The following OLA1 variants were observed in gnomAD, a reference collection of about 807,000 sequenced individuals.
OLA1 encodes obg-like ATPase 1.
A neutral mutation model predicts 48.4 loss-of-function variants in OLA1; 14 were observed. The observed-to-expected ratio is 0.29, with a 90% CI of 0.19 to 0.45. The LOEUF is 0.45. OLA1 is among the 20% of genes least tolerant of loss of function. The pLI, the probability that OLA1 is intolerant of heterozygous loss-of-function variation, is 1.00. For missense variants in OLA1, 325 were observed against 467.1 expected (o/e 0.70, Z 2.80); for synonymous variants, 127 against 150.4 (o/e 0.84, Z 1.14).
Position 174,075,251 on chromosome 2 carries a change from C to CA in OLA1, c.*174dup. The CA allele has an allele frequency of 2.3e-6, 1 of 433,278 alleles. No individual in the cohort carries two copies. The highest frequency in any genetic ancestry group is 4.0e-6 in the Non-Finnish European group (1 of 251,370). 26.8% of individuals were successfully genotyped at this position (433,278 alleles called of 1,614,324 possible). A position where few individuals can be genotyped will look rare whatever the true frequency, so the allele number is the denominator to read the frequency against. ...GTTCACATTTAGTGAACCTGCATTTCATGGGGGGGGGGGGGTACACAGTAT... is the reference window on the plus strand; with the variant it reads ...GTTCACATTTAGTGAACCTGCATTTCAATGGGGGGGGGGGGGTACACAGTAT... On this transcript the variant is annotated 3_prime_UTR_variant, in exon 11 of 11. Coordinates refer to ENST00000284719, the MANE Select transcript of OLA1 (RefSeq NM_013341.5).
At chr2:174,153,558 C>T (rs1686796273) in intron 4 of OLA1, among the ~76,000 whole-genome samples, 2 of 125,136 alleles carry the variant, frequency 1.6e-5, no homozygotes, top group African/African-American at 6.1e-5. Flanking sequence ...GTACAGAACA[C>T]CAGAAAATTC....
chr2:174,095,672 T>G (rs1685238644), intron 7 of OLA1, among the ~76,000 whole-genome samples: 1 of 152,164 alleles, frequency 6.6e-6, no homozygotes, highest in Non-Finnish European at 1.5e-5. Context: ...GGACCAAAGA[T>G]CTAAATGTAA....
At chr2:174,135,576 G>T (rs187775086) in intron 5 of OLA1, among the ~76,000 whole-genome samples, 2 of 152,198 alleles carry the variant, frequency 1.3e-5, no homozygotes, top group African/African-American at 4.8e-5. Flanking sequence ...ATGAGATGTA[G>T]ATGGTGCAAA....
At chr2:174,165,836 G>A (rs75132731) in intron 4 of OLA1, among the ~76,000 whole-genome samples, 20,382 of 152,136 alleles carry the variant, frequency 0.13, 1,801 homozygotes, top group Non-Finnish European at 0.2. Context: ...TAACTCAAAT[G>A]TCAGGCTGGG....
intron 5 of OLA1, among the ~76,000 whole-genome samples, chr2:174,124,613 C>A (rs1686004984): frequency 1.3e-5 from 2 of 152,060 alleles, no homozygotes; most frequent in Admixed American, 6.6e-5. Flanking sequence ...TTTAGCTCTT[C>A]CAGAAGAAGT....
intron 3 of OLA1, among the ~76,000 whole-genome samples, chr2:174,223,765 CAAAAAAAAA>C (rs71021680): frequency 1.4e-5 from 1 of 73,344 alleles, no homozygotes; most frequent in African/African-American, 5.4e-5. Flanking sequence ...GTTATATAGA[CAAAAAAAAA>C]AAAAAAAAAA....
At chr2:174,079,216 A>ATTTTCAACATC (rs1267052620) in intron 9 of OLA1, 126 bp from the exon 10 acceptor site, 2 of 686,266 alleles carry the variant, frequency 2.9e-6, no homozygotes, top group African/African-American at 3.7e-5. Context: ...TTAAGATGTC[A>ATTTTCAACATC]GGTATATAAT....
At chr2:174,166,306 A>G (rs1574522740) in intron 4 of OLA1, among the ~76,000 whole-genome samples, 1 of 152,178 alleles carries the variant, frequency 6.6e-6, no homozygotes, top group South Asian at 2.1e-4. Flanking sequence ...GCAGAGGAAG[A>G]AAATATGATA....
chr2:174,164,348 A>AATACCATTCTGCAAAGTGCAGAATGG (rs1687108614), intron 4 of OLA1, among the ~76,000 whole-genome samples: 1 of 124,042 alleles, frequency 8.1e-6, no homozygotes. Flanking sequence ...GGCACTACGC[A>AATACCATTCTGCAAAGTGCAGAATGG]ATACCATTCT....
chr2:174,218,444 AT>A (rs1181985263), intron 4 of OLA1, among the ~76,000 whole-genome samples: 1 of 152,188 alleles, frequency 6.6e-6, no homozygotes, highest in African/African-American at 2.4e-5. Context: ...TGTTATGTTT[AT>A]TAAGTGTCAA....
chr2:174,228,155 G>C (rs574425656), intron 3 of OLA1, among the ~76,000 whole-genome samples: 4 of 152,270 alleles, frequency 2.6e-5, no homozygotes, highest in African/African-American at 7.2e-5. Flanking sequence ...CAAGGAGGCA[G>C]TTAGATATAG....
chr2:174,083,829 T>C (rs1053307241), intron 7 of OLA1, among the ~76,000 whole-genome samples: 1 of 152,166 alleles, frequency 6.6e-6, no homozygotes, highest in African/African-American at 2.4e-5. Context: ...AAAAGGAGAA[T>C]ATAAAAATAT....
Position 174,075,252 on chromosome 2 carries a change from A to AT in OLA1, c.*173dup, listed in dbSNP as rs1684704719. Reference sequence around the variant, plus strand: ...TTCACATTTAGTGAACCTGCATTTCATGGGGGGGGGGGGGTACACAGTATT... The same window carrying AT: ...TTCACATTTAGTGAACCTGCATTTCATTGGGGGGGGGGGGGTACACAGTATT... On this transcript the variant is annotated 3_prime_UTR_variant, in exon 11 of 11. Coordinates refer to ENST00000284719, the MANE Select transcript of OLA1 (RefSeq NM_013341.5). 4.8e-6 allele frequency: 2 copies of AT among 416,648 alleles called. No homozygotes were observed. The highest frequency in any genetic ancestry group is 4.2e-6 in the Non-Finnish European group (1 of 240,558). The allele number at this position is 416,648 out of a possible 1,614,324, so 25.8% of individuals were successfully genotyped here. A position where few individuals can be genotyped will look rare whatever the true frequency, so the allele number is the denominator to read the frequency against.
At chr2:174,230,525 C>T (rs1688704825) in intron 2 of OLA1, among the ~76,000 whole-genome samples, 1 of 152,116 alleles carries the variant, frequency 6.6e-6, no homozygotes, top group African/African-American at 2.4e-5. Context: ...ACAGTTAGTG[C>T]TGCAAAAACA....
chr2:174,244,461 T>C (rs970112595), intron 2 of OLA1, among the ~76,000 whole-genome samples: 3 of 151,834 alleles, frequency 2.0e-5, no homozygotes, highest in African/African-American at 4.8e-5. Flanking sequence ...TAAAAAGCTA[T>C]GGTCGTCCCT....
At chr2:174,201,656 T>C (rs1687992440) in intron 4 of OLA1, among the ~76,000 whole-genome samples, 1 of 152,224 alleles carries the variant, frequency 6.6e-6, no homozygotes, top group Non-Finnish European at 1.5e-5. Context: ...ATGGGAATAG[T>C]ACTGCGTACT....
chr2:174,222,391 A>G (rs1688525284), intron 4 of OLA1, among the ~76,000 whole-genome samples: 1 of 152,170 alleles, frequency 6.6e-6, no homozygotes, highest in South Asian at 2.1e-4. Context: ...TCTTGTTTCT[A>G]TTAATTTGCT....
intron 4 of OLA1, among the ~76,000 whole-genome samples, chr2:174,144,930 T>TTAAA (rs1419953706): frequency 9.2e-4 from 38 of 41,086 alleles, no homozygotes; most frequent in African/African-American, 4.0e-3. Context: ...AGACCCTGTT[T>TTAAA]AAAAAAAAAA....
intron 4 of OLA1, among the ~76,000 whole-genome samples, chr2:174,178,956 G>A (rs1283288806): frequency 6.6e-6 from 1 of 151,856 alleles, no homozygotes; most frequent in Non-Finnish European, 1.5e-5. Flanking sequence ...CAAGAAAGAT[G>A]CCATATCTTA....
Sources: gnomAD v4.1 joint callset for allele counts (sites outside exome capture counted in the v4.1 genomes callset) on GRCh38, gnomAD v4.1.1 for gene constraint, MANE v1.5 for transcripts, NCBI Gene and HGNC (gene_info 2026-07-23, HGNC 2026-07-21) for gene names.